The following SHB variants were observed in gnomAD, a reference collection of about 807,000 sequenced individuals.
SHB encodes SH2 domain-containing adapter protein B.
In SHB, 20 loss-of-function variants were observed where a neutral mutation model predicts 52.3. The observed-to-expected ratio is 0.38, with a 90% CI of 0.27 to 0.56. SHB has a LOEUF of 0.56. SHB is among the 20% of genes least tolerant of loss of function. The probability of loss-of-function intolerance (pLI) is 0.71; values close to 1 mark genes in which losing one functional copy is unlikely to be tolerated. For synonymous variants in SHB, 397 were observed against 316.5 expected, an observed-to-expected ratio of 1.25 and a Z score of -2.70; for missense variants, 825 against 723.3, an observed-to-expected ratio of 1.14 and a Z score of -1.61.
rs553603857 is a variant in SHB at position 38,057,130 on chromosome 9, T to C, written c.717+10799A>G. Among the ~76,000 whole-genome samples the C allele has an allele frequency of 3.3e-5, 5 of 152,358 alleles. No homozygotes were observed. The East Asian group carries it at 9.6e-4, about 29-fold the overall frequency. On this transcript the variant is annotated intron_variant, in intron 1 of 5. Coordinates refer to ENST00000377707, the MANE Select transcript of SHB (RefSeq NM_003028.3). ...TATGCAAAGAATTAAGTTACAAAGA[T>C]GTTCATTACGGCACTGTTAAATTGG...
At chr9:37,940,733 G>C (rs2117867543) in intron 5 of SHB, among the ~76,000 whole-genome samples, 1 of 152,278 alleles carries the variant, frequency 6.6e-6, no homozygotes, top group Middle Eastern at 3.4e-3. Context: ...TATTGGACCA[G>C]AAAATTGAAA....
At chr9:37,929,475 G>A (rs1276024663) in intron 5 of SHB, among the ~76,000 whole-genome samples, 1 of 152,234 alleles carries the variant, frequency 6.6e-6, no homozygotes, top group South Asian at 2.1e-4. Flanking sequence ...TGCTGGGCAG[G>A]AGCCACTGCA....
chr9:37,986,831 A>G (rs143587147), intron 2 of SHB, among the ~76,000 whole-genome samples: 2,076 of 152,324 alleles, frequency 0.014, 17 homozygotes, highest in Middle Eastern at 0.034. Flanking sequence ...GGGACTTCAC[A>G]GGGCTGCAGC....
Position 37,956,026 on chromosome 9 carries a change from C to T in SHB, c.1083G>A (p.Gln361=). 6.3e-7 allele frequency: 1 copy of T among 1,575,028 alleles called. No individual in the cohort carries two copies. Among genetic ancestry groups the T allele is most frequent in the Non-Finnish European group, 8.6e-7 (1 of 1,160,188 alleles). ...AAQFNGNEKR[Q]SSPSPSRDRR... ...GGTCCCGCGAAGGTGAGGGGGATGA[C>T]TGCCGCTTCTCGTTGCCATTAAACT... Residue 361 remains glutamine (Q), a synonymous_variant, in exon 4 of 6, where the codon CAG becomes CAA. Transcript: ENST00000377707.
chr9:38,067,218 G>A (rs1821981047), intron 1 of SHB, among the ~76,000 whole-genome samples: 1 of 152,188 alleles, frequency 6.6e-6, no homozygotes, highest in Non-Finnish European at 1.5e-5. Context: ...AGGATAGGAG[G>A]GGTGGGGTCT....
In SHB at chr9:38,068,153, T is replaced by C; in HGVS notation, c.493A>G (p.Ser165Gly). ...GGCGTGGCGGGCCGCCGCTCGCTGC[T>C]GCTGCGGTAGAGATGCGGAGAGCCG... ...SSGSPHLYRS[S>G]SERRPATPAE... Residue 165 changes from serine (S) to glycine (G), a missense_variant, in exon 1 of 6, where the codon AGC becomes GGC. Ser to Gly is a moderately conservative substitution (Grantham distance 56, BLOSUM62 0). Coordinates refer to ENST00000377707, the MANE Select transcript of SHB (RefSeq NM_003028.3). The C allele has an allele frequency of 6.9e-7, 1 of 1,444,028 alleles. No individual in the cohort carries two copies. Among genetic ancestry groups the C allele is most frequent in the East Asian group, 2.9e-5 (1 of 34,646 alleles). The allele number at this position is 1,444,028 out of a possible 1,614,324, so 89.5% of individuals were successfully genotyped here.
chr9:38,041,273 A>G (rs1243187942), intron 1 of SHB, among the ~76,000 whole-genome samples: 2 of 152,178 alleles, frequency 1.3e-5, no homozygotes, highest in Non-Finnish European at 2.9e-5. Flanking sequence ...CTCCCTTCCC[A>G]TAACCATGCA....
At chr9:38,065,551 T>C (rs539732143) in intron 1 of SHB, among the ~76,000 whole-genome samples, 41 of 152,300 alleles carry the variant, frequency 2.7e-4, no homozygotes, top group Admixed American at 2.5e-3. Flanking sequence ...ACCAGCCCTA[T>C]AGGTGCACTA....
At chr9:37,930,785 C>G (rs2118472359) in intron 5 of SHB, among the ~76,000 whole-genome samples, 1 of 152,140 alleles carries the variant, frequency 6.6e-6, no homozygotes, top group South Asian at 2.1e-4. Context: ...CCTGAGTAAC[C>G]ATAAAAGACC....
At chr9:38,014,250 C>A (rs936258862) in intron 2 of SHB, among the ~76,000 whole-genome samples, 2 of 152,154 alleles carry the variant, frequency 1.3e-5, no homozygotes, top group East Asian at 1.9e-4. Context: ...CTGAACATGA[C>A]CCAAAGTCGC....
chr9:37,982,032 C>T (rs1028411073), intron 2 of SHB, among the ~76,000 whole-genome samples: 6 of 151,484 alleles, frequency 4.0e-5, no homozygotes, highest in Non-Finnish European at 8.8e-5. Flanking sequence ...TGAGCACACG[C>T]TGTTGGAAAA....
intron 1 of SHB, among the ~76,000 whole-genome samples, chr9:38,054,429 C>G (rs1280064560): frequency 6.6e-6 from 1 of 152,226 alleles, no homozygotes; most frequent in Admixed American, 6.5e-5. Context: ...ACCTTGTTCC[C>G]CATCCAGTCA....
chr9:37,962,214 G>A (rs183454168), intron 3 of SHB, among the ~76,000 whole-genome samples: 16 of 152,262 alleles, frequency 1.1e-4, no homozygotes, highest in African/African-American at 3.4e-4. Flanking sequence ...TCACATGTAC[G>A]CTCTGATACA....
Position 37,990,538 on chromosome 9 carries a change from TA to T in SHB, c.839-15702del, listed in dbSNP as rs373858085. 9.8e-3 allele frequency among the ~76,000 whole-genome samples: 1,485 copies of T among 151,988 alleles called. 24 individuals are homozygous for T. The highest frequency in any genetic ancestry group is 0.033 in the African/African-American group (1,387 of 41,472). On this transcript the variant is annotated intron_variant, in intron 2 of 5. Coordinates refer to ENST00000377707, the MANE Select transcript of SHB (RefSeq NM_003028.3). ...GAATTTAGCACAGAAAACAAATGTTTAAAAAAAAATTTGTGTATTCTAAAAA... is the reference window on the plus strand; with the variant it reads ...GAATTTAGCACAGAAAACAAATGTTTAAAAAAAATTTGTGTATTCTAAAAA...
rs551114199 is a variant in SHB at position 37,917,676 on chromosome 9, C to G, written c.*2145G>C. On this transcript the variant is annotated 3_prime_UTR_variant, in exon 6 of 6. Transcript: ENST00000377707. The stretch of plus-strand genomic sequence containing the variant: ...CCTCACTCATCTTGTCATTTCCCAC[C>G]TACCTTCCCACTCCCCCAAAGGAAA... Among the ~76,000 whole-genome samples, 1 of 152,354 alleles carries G rather than the reference C, an allele frequency of 6.6e-6. No individual in the cohort carries two copies. The highest frequency in any genetic ancestry group is 1.9e-4 in the East Asian group (1 of 5,188).
intron 2 of SHB, among the ~76,000 whole-genome samples, chr9:38,000,015 C>T (rs1428769738): frequency 1.3e-5 from 2 of 152,360 alleles, no homozygotes; most frequent in African/African-American, 4.8e-5. Context: ...AGAAGAGCCA[C>T]GAGGCTGGGG....
intron 5 of SHB, among the ~76,000 whole-genome samples, chr9:37,927,404 T>C (rs1467073744): frequency 2.0e-5 from 3 of 152,150 alleles, no homozygotes; most frequent in Admixed American, 1.3e-4. Context: ...TACAACCAAA[T>C]AATTAGACTT....
intron 2 of SHB, among the ~76,000 whole-genome samples, chr9:38,002,397 G>T (rs1821026206): frequency 6.6e-6 from 1 of 152,170 alleles, no homozygotes; most frequent in Admixed American, 6.5e-5. Context: ...ATCACTCCCT[G>T]CAGAGGACCT....
chr9:38,046,929 AT>A (rs1323874041), intron 1 of SHB, among the ~76,000 whole-genome samples: 1 of 152,192 alleles, frequency 6.6e-6, no homozygotes, highest in African/African-American at 2.4e-5. Context: ...TTTGGAAAAG[AT>A]GGGGCCTGGT....
Sources: allele counts gnomAD v4.1 joint callset (sites outside exome capture counted in the v4.1 genomes callset), GRCh38; gene constraint gnomAD v4.1.1; transcripts MANE v1.5; gene names NCBI Gene and HGNC (gene_info 2026-07-23, HGNC 2026-07-21).